NARS2: variants seen among roughly 807,000 people sequenced by gnomAD.
NARS2 encodes asparaginyl-tRNA synthetase.
In NARS2, 60 loss-of-function variants were observed where a neutral mutation model predicts 62.9. That is an observed-to-expected ratio of 0.95 (90% CI 0.77 to 1.18). The LOEUF is 1.18. Ranked by LOEUF, NARS2 falls within the 50% of genes most tolerant of loss-of-function variation. The pLI, the probability that NARS2 is intolerant of heterozygous loss-of-function variation, is 0.00. For missense variants in NARS2, 619 were observed against 576.4 expected, an observed-to-expected ratio of 1.07 and a Z score of -0.76; for synonymous variants, 196 against 200.0, an observed-to-expected ratio of 0.98 and a Z score of 0.17.
chr11:78,465,315 C>T (rs1039801192), intron 11 of NARS2, among the ~76,000 whole-genome samples: 16 of 152,378 alleles, frequency 1.1e-4, no homozygotes, highest in Middle Eastern at 6.8e-3. Context: ...CTGAGGGAGC[C>T]GGCTCCGGCC....
Position 78,436,748 on chromosome 11 carries a change from G to A in NARS2, c.1356C>T (p.Tyr452=). The change falls in exon 14 of 14, where the codon TAC becomes TAT. Residue 452 remains tyrosine, a synonymous_variant. Coordinates refer to ENST00000281038, the MANE Select transcript of NARS2 (RefSeq NM_024678.6). The part of the protein sequence containing the change: ...HGGFGMGFER[Y]LQCILGVDNI... The stretch of plus-strand genomic sequence containing the variant: ...TGTCAACACCCAAGATGCACTGCAG[G>A]TAGCGTTCAAATCCCATCCCAAAAC... 1 of 1,614,152 alleles carries A rather than the reference G, an allele frequency of 6.2e-7. No individual in the cohort carries two copies. Among genetic ancestry groups the A allele is most frequent in the Non-Finnish European group, 8.5e-7 (1 of 1,180,004 alleles).
At chr11:78,501,867 T>C (rs1860293670) in intron 6 of NARS2, among the ~76,000 whole-genome samples, 2 of 152,156 alleles carry the variant, frequency 1.3e-5, no homozygotes, top group Non-Finnish European at 2.9e-5. Flanking sequence ...AAGACAGGTA[T>C]TCAAACAAAA....
At chr11:78,561,877 T>A (rs1008829765) in intron 4 of NARS2, among the ~76,000 whole-genome samples, 2 of 151,844 alleles carry the variant, frequency 1.3e-5, no homozygotes, top group Non-Finnish European at 2.9e-5. Context: ...CTGACCAACA[T>A]GGTAAAACCC....
At chr11:78,476,451 A>G (rs1859100366) in intron 9 of NARS2, among the ~76,000 whole-genome samples, 1 of 152,210 alleles carries the variant, frequency 6.6e-6, no homozygotes, top group Admixed American at 6.5e-5. Flanking sequence ...TATTGTGCCT[A>G]CTTAGGGAAG....
At chr11:78,489,143 GGGATGAAAA>G (rs1196267583) in intron 7 of NARS2, among the ~76,000 whole-genome samples, 2 of 151,904 alleles carry the variant, frequency 1.3e-5, no homozygotes, top group African/African-American at 4.8e-5. Context: ...CAAAATTAAG[GGGATGAAAA>G]GTCAAGCTAC....
intron 6 of NARS2, among the ~76,000 whole-genome samples, chr11:78,504,443 T>G (rs926785773): frequency 1.1e-4 from 16 of 151,792 alleles, no homozygotes; most frequent in Admixed American, 6.6e-4. Flanking sequence ...AGTTTTTTTT[T>G]TTTTTTTTTT....
chr11:78,488,234 TA>T (rs34959536), intron 7 of NARS2, among the ~76,000 whole-genome samples: 4,708 of 128,830 alleles, frequency 0.037, 218 homozygotes, highest in African/African-American at 0.11. Flanking sequence ...GCCTACCTGG[TA>T]AAAAAAAAAA....
At chr11:78,466,766 C>A (rs925900228) in intron 10 of NARS2, among the ~76,000 whole-genome samples, 2 of 152,172 alleles carry the variant, frequency 1.3e-5, no homozygotes, top group African/African-American at 4.8e-5. Flanking sequence ...CAGGTGTGAG[C>A]CACAGTGATG....
At chr11:78,543,167 AACT>A (rs1252049155) in intron 5 of NARS2, among the ~76,000 whole-genome samples, 2 of 152,052 alleles carry the variant, frequency 1.3e-5, no homozygotes, top group East Asian at 3.9e-4. Context: ...AACAGAGCAA[AACT>A]ACGTGTCAAA....
intron 7 of NARS2, among the ~76,000 whole-genome samples, chr11:78,489,526 G>C (rs1859727447): frequency 6.6e-6 from 1 of 152,128 alleles, no homozygotes; most frequent in Non-Finnish European, 1.5e-5. Context: ...TTGGAAAACA[G>C]ATTTCTTCCC....
At chr11:78,528,465 G>GA (rs993652976) in intron 6 of NARS2, among the ~76,000 whole-genome samples, 3 of 150,468 alleles carry the variant, frequency 2.0e-5, no homozygotes, top group East Asian at 3.9e-4. Flanking sequence ...ACCAATTACT[G>GA]AAAAAAAAAT....
intron 5 of NARS2, among the ~76,000 whole-genome samples, chr11:78,535,404 G>A (rs1269456840): frequency 1.3e-5 from 2 of 152,042 alleles, no homozygotes; most frequent in African/African-American, 2.4e-5. Context: ...TTAAAGTACT[G>A]CACATTGAGA....
intron 6 of NARS2, among the ~76,000 whole-genome samples, chr11:78,498,029 G>T (rs945880359): frequency 6.6e-6 from 1 of 152,138 alleles, no homozygotes; most frequent in Admixed American, 6.5e-5. Flanking sequence ...TCCTGCTAAA[G>T]GGGGAGGAAG....
intron 9 of NARS2, among the ~76,000 whole-genome samples, chr11:78,469,820 A>T (rs1858792077): frequency 6.6e-6 from 1 of 152,176 alleles, no homozygotes; most frequent in Non-Finnish European, 1.5e-5. Flanking sequence ...ATAAATAAAC[A>T]AGTAGCTATT....
chr11:78,537,615 T>G (rs116459079), intron 5 of NARS2, among the ~76,000 whole-genome samples: 4 of 152,020 alleles, frequency 2.6e-5, no homozygotes, highest in Admixed American at 1.3e-4. Context: ...CTGGGCAACA[T>G]AGTGAGAGGT....
At chr11:78,442,555 T>C (rs900820777) in intron 12 of NARS2, among the ~76,000 whole-genome samples, 1 of 152,128 alleles carries the variant, frequency 6.6e-6, no homozygotes, top group Non-Finnish European at 1.5e-5. Flanking sequence ...AATTATGGCT[T>C]TTCCAGATTA....
chr11:78,490,439 A>C (rs1217894671), intron 7 of NARS2, among the ~76,000 whole-genome samples: 1 of 152,250 alleles, frequency 6.6e-6, no homozygotes, highest in Non-Finnish European at 1.5e-5. Context: ...CCTGGACATT[A>C]ATCACCAAAG....
intron 4 of NARS2, 101 bp from the exon 5 acceptor site, chr11:78,559,720 G>T: frequency 2.6e-6 from 2 of 757,924 alleles, no homozygotes; most frequent in Non-Finnish European, 4.5e-6. Context: ...AGCAGATGCT[G>T]TATCAAATCC....
chr11:78,458,086 T>C (rs1858238726), intron 11 of NARS2, among the ~76,000 whole-genome samples: 1 of 152,256 alleles, frequency 6.6e-6, no homozygotes, highest in East Asian at 1.9e-4. Context: ...AACTACAATT[T>C]ATTGTATATT....
Sources: gnomAD v4.1 joint callset for allele counts (sites outside exome capture counted in the v4.1 genomes callset) on GRCh38, gnomAD v4.1.1 for gene constraint, MANE v1.5 for transcripts, NCBI Gene and HGNC (gene_info 2026-07-23, HGNC 2026-07-21) for gene names.